The following PTPRM variants were observed in gnomAD, a reference collection of about 807,000 sequenced individuals.
PTPRM encodes receptor-type tyrosine-protein phosphatase mu.
Under a neutral mutation model 186.7 loss-of-function variants are expected in PTPRM, and 47 were observed. The ratio of observed to expected loss-of-function variants is 0.25; its 90% CI spans 0.20 to 0.32. PTPRM has a LOEUF of 0.32. Among genes scored for constraint, PTPRM ranks in the 10% least tolerant of loss-of-function variants. PTPRM has a pLI of 1.00. For synonymous variants in PTPRM, 668 were observed against 674.9 expected, an observed-to-expected ratio of 0.99 and a Z score of 0.16; for missense variants, 1,494 against 1,865.0, an observed-to-expected ratio of 0.80 and a Z score of 3.66.
At chr18:8,403,822 C>T (rs1481609456) in intron 32 of PTPRM, 1 of 152,116 alleles carries the variant, frequency 6.6e-6, no homozygotes, top group African/African-American at 2.4e-5. Flanking sequence ...GAGTGTGTGC[C>T]CTTTTGAATC....
intron 22 of PTPRM, among the ~76,000 whole-genome samples, chr18:8,340,931 A>G (rs4511600): frequency 0.29 from 43,526 of 152,090 alleles, 6,473 homozygotes; most frequent in East Asian, 0.49. Context: ...TGCCTCCCGT[A>G]GAGAACAGTC....
intron 1 of PTPRM, among the ~76,000 whole-genome samples, chr18:7,643,189 C>T (rs970774962): frequency 6.6e-5 from 10 of 152,034 alleles, no homozygotes; most frequent in Non-Finnish European, 1.3e-4. Flanking sequence ...GCTGGGTGCT[C>T]TCTTTCAATT....
At chr18:8,147,892 T>C (rs1241831570) in intron 14 of PTPRM, among the ~76,000 whole-genome samples, 1 of 152,230 alleles carries the variant, frequency 6.6e-6, no homozygotes, top group Non-Finnish European at 1.5e-5. Flanking sequence ...TCTGCATCTA[T>C]TGAGATAATC....
intron 1 of PTPRM, among the ~76,000 whole-genome samples, chr18:7,773,570 G>GTTTTTTTTTTTTTTTTTT (rs10708698): frequency 2.0e-4 from 26 of 129,096 alleles, no homozygotes; most frequent in Non-Finnish European, 3.5e-4. Flanking sequence ...TCTTTTCTTT[G>GTTTTTTTTTTTTTTTTTT]TTTTTTTTTT....
At position 7,893,283 on chromosome 18, in the gene PTPRM, A is replaced by G. The variant is rs573623932; in HGVS notation, c.468+4906A>G. 5.3e-5 allele frequency among the ~76,000 whole-genome samples: 8 copies of G among 152,330 alleles called. No homozygotes were observed. The South Asian group carries it at 1.7e-3, about 32-fold the overall frequency. ...TACATGGTCTTCTTTTCAAATATCC[A>G]TGAAAACGTTTAACGACTGGATGGC... On this transcript the variant is annotated intron_variant, in intron 3 of 32. Coordinates refer to ENST00000580170, the MANE Select transcript of PTPRM (RefSeq NM_001105244.2).
Position 7,567,861 on chromosome 18 carries a change from T to C in PTPRM, c.43T>C (p.Leu15=). Residue 15 remains leucine (L), a synonymous_variant, in exon 1 of 33, where the codon TTG becomes CTG. Coordinates refer to ENST00000580170, the MANE Select transcript of PTPRM (RefSeq NM_001105244.2). The surrounding 1 kb of genome is among the most constrained non-coding windows in gnomAD (Gnocchi z 4.3). Reference sequence around the variant, plus strand: ...TTGCCTGGCGACTTTGGCCGGACTTTTGCTAACTGCGGCGGGCGAGACGTT... The same window carrying C: ...TTGCCTGGCGACTTTGGCCGGACTTCTGCTAACTGCGGCGGGCGAGACGTT... ...GTCLATLAGL[L]LTAAGETFSG... The C allele has an allele frequency of 3.2e-6, 5 of 1,563,324 alleles. No homozygotes were observed. Among genetic ancestry groups the C allele is most frequent in the Non-Finnish European group, 4.3e-6 (5 of 1,158,454 alleles).
At chr18:7,720,490 A>G (rs374488507) in intron 1 of PTPRM, among the ~76,000 whole-genome samples, 1 of 152,194 alleles carries the variant, frequency 6.6e-6, no homozygotes, top group East Asian at 1.9e-4. Context: ...ATTGTGGTAA[A>G]ATCCATACTA....
At chr18:8,314,938 ACAATG>A in intron 21 of PTPRM, 81 bp downstream of exon 21, 1 of 850,420 alleles carries the variant, frequency 1.2e-6, no homozygotes, top group Admixed American at 2.3e-5. Context: ...ATACATGTAT[ACAATG>A]CATAATGATT....
chr18:8,110,969 C>T (rs141889696), intron 11 of PTPRM, among the ~76,000 whole-genome samples: 1 of 152,302 alleles, frequency 6.6e-6, no homozygotes, highest in East Asian at 1.9e-4. Context: ...TTCACTGGAC[C>T]TGTGAATGAG....
chr18:8,047,805 G>A (rs971328552), intron 7 of PTPRM, among the ~76,000 whole-genome samples: 1 of 152,142 alleles, frequency 6.6e-6, no homozygotes, highest in African/African-American at 2.4e-5. Flanking sequence ...TCATGTTGGT[G>A]GACTGTGAAG....
At chr18:8,205,458 T>C (rs949625604) in intron 14 of PTPRM, among the ~76,000 whole-genome samples, 1 of 152,144 alleles carries the variant, frequency 6.6e-6, no homozygotes, top group African/African-American at 2.4e-5. Context: ...GTCCTTTGGG[T>C]TTGCTTTCTT....
At chr18:8,251,344 A>G (rs138315461) in intron 17 of PTPRM, among the ~76,000 whole-genome samples, 102 of 152,322 alleles carry the variant, frequency 6.7e-4, no homozygotes, top group African/African-American at 2.4e-3. Context: ...AAACTAATTA[A>G]TGTTCCATTT....
intron 20 of PTPRM, among the ~76,000 whole-genome samples, chr18:8,311,976 G>A (rs1012754149): frequency 1.3e-5 from 2 of 152,108 alleles, no homozygotes; most frequent in Non-Finnish European, 2.9e-5. Flanking sequence ...CTGACGAGGG[G>A]GTACAACAGA....
At chr18:7,590,024 T>A (rs368624245) in intron 1 of PTPRM, among the ~76,000 whole-genome samples, 8 of 152,074 alleles carry the variant, frequency 5.3e-5, no homozygotes, top group African/African-American at 1.7e-4. Context: ...AGCAGGTGGG[T>A]GTTGTTATCT....
chr18:8,205,598 T>G (rs17478082), intron 14 of PTPRM, among the ~76,000 whole-genome samples: 12,320 of 152,268 alleles, frequency 0.081, 644 homozygotes, highest in Middle Eastern at 0.33. Context: ...ACGTTATGCT[T>G]GAGTTAGAAA....
In PTPRM at chr18:8,321,138, A is replaced by G. The variant is rs540814017; in HGVS notation, c.2956+1924A>G. 1.8e-4 allele frequency among the ~76,000 whole-genome samples: 28 copies of G among 152,334 alleles called. 1 individual carries two copies. In the South Asian group the frequency reaches 5.6e-3, roughly 30 times the overall value. ...ATTAAGCCTCACAACATCAGATTTA[A>G]TACATTCTATGATAATTTGAAATTA... is the stretch of plus-strand genomic sequence containing the variant. On this transcript the variant is annotated intron_variant, in intron 22 of 32. Transcript: ENST00000580170.
At chr18:8,011,064 A>T (rs1159174482) in intron 7 of PTPRM, among the ~76,000 whole-genome samples, 1 of 152,212 alleles carries the variant, frequency 6.6e-6, no homozygotes, top group Non-Finnish European at 1.5e-5. Context: ...TGAGGAAAGT[A>T]TTTTGATTTA....
At chr18:8,357,443 G>A (rs1234267112) in intron 23 of PTPRM, among the ~76,000 whole-genome samples, 1 of 152,154 alleles carries the variant, frequency 6.6e-6, no homozygotes, top group African/African-American at 2.4e-5. Context: ...TTTGTCAACT[G>A]CCACAATCAG....
chr18:7,779,321 T>A (rs1363960053), intron 2 of PTPRM, among the ~76,000 whole-genome samples: 2 of 152,206 alleles, frequency 1.3e-5, no homozygotes, highest in South Asian at 2.1e-4. Flanking sequence ...GCTTTCCATG[T>A]CTTAGTTATA....
Sources: gnomAD v4.1 joint callset for allele counts (sites outside exome capture counted in the v4.1 genomes callset) on GRCh38, gnomAD v4.1.1 for gene constraint, Gnocchi (gnomAD v3.1) non-coding constraint, MANE v1.5 for transcripts, NCBI Gene and HGNC (gene_info 2026-07-23, HGNC 2026-07-21) for gene names.